The following NLK variants were observed in gnomAD, a reference collection of about 807,000 sequenced individuals.
NLK encodes nemo like kinase.
NLK carries 11 observed loss-of-function variants against 59.0 expected under a neutral mutation model. The observed-to-expected ratio is 0.19, with a 90% CI of 0.12 to 0.31. The LOEUF is 0.31. NLK is among the 10% of genes least tolerant of loss of function. The pLI, the probability that NLK is intolerant of heterozygous loss-of-function variation, is 1.00. For missense variants in NLK, 410 were observed against 661.1 expected (o/e 0.62, Z 4.16); for synonymous variants, 235 against 235.9 (o/e 1.00, Z 0.03).
intron 1 of NLK, among the ~76,000 whole-genome samples, chr17:28,067,425 TG>T (rs1453597555): frequency 2.0e-5 from 3 of 152,048 alleles, no homozygotes; most frequent in Non-Finnish European, 4.4e-5. Flanking sequence ...GAGTCAAATT[TG>T]CAAAACATGC....
intron 7 of NLK, among the ~76,000 whole-genome samples, chr17:28,183,594 G>T (rs778157977): frequency 2.0e-5 from 3 of 152,114 alleles, no homozygotes; most frequent in Non-Finnish European, 2.9e-5. Context: ...CTCCCAAAGT[G>T]CTGGGATTAC....
chr17:28,104,550 G>A (rs951612571), intron 1 of NLK, among the ~76,000 whole-genome samples: 4 of 152,068 alleles, frequency 2.6e-5, no homozygotes, highest in Admixed American at 6.6e-5. Flanking sequence ...CACTACACCC[G>A]GCCGGGTTTT....
intron 1 of NLK, among the ~76,000 whole-genome samples, chr17:28,114,565 AAATATATC>A (rs1286031582): frequency 1.3e-5 from 2 of 152,246 alleles, no homozygotes; most frequent in African/African-American, 4.8e-5. Flanking sequence ...TAAGGTAGTC[AAATATATC>A]AATATTTTCC....
chr17:28,063,859 A>G (rs889617902), intron 1 of NLK, among the ~76,000 whole-genome samples: 5 of 152,190 alleles, frequency 3.3e-5, no homozygotes, highest in African/African-American at 1.2e-4. Context: ...CTGTTGAAAA[A>G]CTGCAAGCCT....
intron 1 of NLK, among the ~76,000 whole-genome samples, chr17:28,053,080 T>G (rs1909315661): frequency 6.6e-6 from 1 of 152,058 alleles, no homozygotes; most frequent in Admixed American, 6.6e-5. Context: ...CTGGCCTCTC[T>G]TTGGCTTTTG....
chr17:28,175,773 C>T (rs1487837263), intron 7 of NLK, among the ~76,000 whole-genome samples: 3 of 152,298 alleles, frequency 2.0e-5, no homozygotes, highest in African/African-American at 7.2e-5. Context: ...AAAGTTATGA[C>T]TCTAAAATAG....
Position 28,194,610 on chromosome 17 carries a change from C to A in NLK, c.1558C>A (p.Pro520Thr). The change falls in exon 11 of 11, where the codon CCC becomes ACC. Residue 520 changes from proline (P) to threonine (T), a missense_variant. Physicochemically the swap from Pro to Thr is conservative, Grantham distance 38. Transcript: ENST00000407008. ...CACTGTTGCTCAGCCATCTGAGATG[C>A]CCCCATCTCCTCTGGTGTGGGAGTG... is the stretch of plus-strand genomic sequence containing the variant. The part of the protein sequence containing the change: ...SSTVAQPSEM[P>T]PSPLVWE 1 of 1,598,078 alleles carries A rather than the reference C, an allele frequency of 6.3e-7. No homozygotes were observed. The highest frequency in any genetic ancestry group is 8.6e-7 in the Non-Finnish European group (1 of 1,167,810).
chr17:28,110,435 A>G (rs1351290720), intron 1 of NLK, among the ~76,000 whole-genome samples: 1 of 148,040 alleles, frequency 6.8e-6, no homozygotes, highest in South Asian at 2.1e-4. Context: ...ATGTTTGACT[A>G]TGAATTGTCT....
At chr17:28,077,026 GTCCCTTT>G (rs1910180595) in intron 1 of NLK, among the ~76,000 whole-genome samples, 1 of 128,042 alleles carries the variant, frequency 7.8e-6, no homozygotes, top group South Asian at 2.5e-4. Context: ...TAGTACCCGT[GTCCCTTT>G]TACTTTTTCC....
chr17:28,135,106 C>T (rs888942121), intron 3 of NLK, among the ~76,000 whole-genome samples: 2 of 152,184 alleles, frequency 1.3e-5, no homozygotes, highest in Admixed American at 6.5e-5. Flanking sequence ...CATATAGTAG[C>T]ATTCCTATCA....
intron 7 of NLK, among the ~76,000 whole-genome samples, chr17:28,179,503 G>T (rs1908813591): frequency 1.3e-5 from 2 of 151,878 alleles, no homozygotes; most frequent in Admixed American, 1.3e-4. Flanking sequence ...GGCCAAGGCA[G>T]GCAAATCACT....
intron 1 of NLK, among the ~76,000 whole-genome samples, chr17:28,114,407 T>C (rs1905665512): frequency 6.6e-6 from 1 of 152,226 alleles, no homozygotes; most frequent in African/African-American, 2.4e-5. Context: ...CATTTGCTAT[T>C]GTTAGACTTT....
At chr17:28,167,491 A>T (rs1908286453) in intron 5 of NLK, among the ~76,000 whole-genome samples, 2 of 151,690 alleles carry the variant, frequency 1.3e-5, no homozygotes, top group Non-Finnish European at 2.9e-5. Flanking sequence ...AGTCCTCTCA[A>T]TCCCTGGGAT....
At chr17:28,060,442 A>T (rs1042475476) in intron 1 of NLK, among the ~76,000 whole-genome samples, 3 of 152,112 alleles carry the variant, frequency 2.0e-5, no homozygotes, top group Non-Finnish European at 4.4e-5. Flanking sequence ...TCTCTTTTTT[A>T]CTTTTTAAAA....
At chr17:28,087,839 A>G (rs1910564775) in intron 1 of NLK, among the ~76,000 whole-genome samples, 1 of 152,194 alleles carries the variant, frequency 6.6e-6, no homozygotes, top group South Asian at 2.1e-4. Context: ...GTAACCCATG[A>G]TGAAGTTGGG....
chr17:28,125,992 A>T (rs193176467), intron 2 of NLK, among the ~76,000 whole-genome samples: 1 of 152,216 alleles, frequency 6.6e-6, no homozygotes, highest in African/African-American at 2.4e-5. Context: ...GGTGGCACAG[A>T]TTGGACTGTA....
chr17:28,198,549 T>C (rs1171468169), downstream of NLK, among the ~76,000 whole-genome samples: 11 of 152,142 alleles, frequency 7.2e-5, no homozygotes, highest in Admixed American at 5.2e-4. Context: ...GGTGTCGAAC[T>C]CCTGACCTCA....
the NLK span, among the ~76,000 whole-genome samples, chr17:28,202,261 A>G: frequency 6.6e-6 from 1 of 152,092 alleles, no homozygotes; most frequent in African/African-American, 2.4e-5. Flanking sequence ...TTAGCTGGAC[A>G]TGGTAGTGCC....
chr17:28,050,305 CA>C (rs1909203010), intron 1 of NLK, among the ~76,000 whole-genome samples: 1 of 152,100 alleles, frequency 6.6e-6, no homozygotes, highest in Admixed American at 6.5e-5. Context: ...CAGGAGACTA[CA>C]GGGCTGGAGA....
Sources: gnomAD v4.1 joint callset for allele counts (sites outside exome capture counted in the v4.1 genomes callset) on GRCh38, gnomAD v4.1.1 for gene constraint, MANE v1.5 for transcripts, NCBI Gene and HGNC (gene_info 2026-07-23, HGNC 2026-07-21) for gene names.